LAMA5: variants seen among roughly 807,000 people sequenced by gnomAD.
LAMA5 encodes the protein laminin subunit alpha 5.
Under a neutral mutation model 433.4 loss-of-function variants are expected in LAMA5, and 260 were observed. That is an observed-to-expected ratio of 0.60 (90% confidence interval 0.54 to 0.66). The LOEUF (loss-of-function observed/expected upper bound fraction) is 0.66, where lower values mean the gene tolerates loss of function less well. Among genes scored for constraint, LAMA5 ranks in the 30% least tolerant of loss-of-function variants. The pLI is 0.00. For synonymous variants in LAMA5, 2,620 were observed against 2,226.6 expected (o/e 1.18, Z -4.97); for missense variants, 5,378 against 5,258.5 (o/e 1.02, Z -0.70).
rs745953594 is a variant in LAMA5, at chr20:62,318,915, A to G, written c.6970T>C (p.Trp2324Arg). The G allele has an allele frequency of 6.2e-7, 1 of 1,603,486 alleles. No individual in the cohort carries two copies. Among genetic ancestry groups the G allele is most frequent in the Non-Finnish European group, 8.5e-7 (1 of 1,177,308 alleles). Residue 2324 changes from tryptophan (W) to arginine (R), a missense_variant, in exon 52 of 80, where the codon TGG (tryptophan) becomes CGG (arginine). By Grantham distance (101) the Trp-to-Arg change is moderately radical (BLOSUM62 -3). Coordinates refer to ENST00000252999, the MANE Select transcript of LAMA5 (RefSeq NM_005560.6). ...RTLAEVERLLWEMRARDLGAP... is the reference protein window; with the variant it reads ...RTLAEVERLLREMRARDLGAP... ...CCCAGGTCCCGGGCCCGCATCTCCCAGAGCAGCCGCTCCACCTCGGCCAGT... is the reference window on the plus strand; with the variant it reads ...CCCAGGTCCCGGGCCCGCATCTCCCGGAGCAGCCGCTCCACCTCGGCCAGT...
intron 25 of LAMA5, 23 bp from the exon 26 acceptor site, chr20:62,333,266 C>T: frequency 6.4e-7 from 1 of 1,564,522 alleles, no homozygotes; most frequent in Non-Finnish European, 8.7e-7. Context: ...AGGCCGTGGT[C>T]AGCCCCAGGT....
At chr20:62,354,626 A>AGG (rs370828519) in intron 2 of LAMA5, among the ~76,000 whole-genome samples, 6 of 152,084 alleles carry the variant, frequency 3.9e-5, no homozygotes, top group African/African-American at 1.2e-4. Context: ...ACCCAGGAGC[A>AGG]GGGGGGGTCC....
intron 78 of LAMA5, 63 bp downstream of exon 78, chr20:62,309,925 C>G: frequency 6.2e-7 from 1 of 1,605,716 alleles, no homozygotes; most frequent in South Asian, 1.1e-5. Context: ...AGAGTCCCGC[C>G]TGGCTCCCGC....
chr20:62,365,028 G>A (rs1461189091), intron 1 of LAMA5, among the ~76,000 whole-genome samples: 3 of 152,262 alleles, frequency 2.0e-5, no homozygotes, highest in African/African-American at 4.8e-5. Flanking sequence ...CAGCAGACCC[G>A]CGGCTCTCAG....
intron 37 of LAMA5, 29 bp from the exon 38 acceptor site, chr20:62,327,435 G>T (rs770389755): frequency 4.4e-6 from 7 of 1,592,210 alleles, no homozygotes; most frequent in Non-Finnish European, 6.0e-6. Flanking sequence ...GGCTGCACAC[G>T]GGTGGATGCC....
In LAMA5 at chr20:62,314,783, T is replaced by C. The variant is rs1384377800; in HGVS notation, c.8196+16A>G. On this transcript the variant is annotated intron_variant, in intron 60 of 79. Transcript: ENST00000252999. ...ACCCTCCCTGATGTCCACCTTCCCC[T>C]GGGACTCTCACCCACCTTACTGGCA... 6.8e-6 allele frequency: 11 copies of C among 1,612,830 alleles called. No homozygotes were observed. The highest frequency in any genetic ancestry group is 8.5e-6 in the Non-Finnish European group (10 of 1,179,916).
intron 11 of LAMA5, among the ~76,000 whole-genome samples, chr20:62,344,854 C>G (rs1983111275): frequency 6.6e-6 from 1 of 151,922 alleles, no homozygotes; most frequent in Admixed American, 6.6e-5. Flanking sequence ...CTTCATTAGT[C>G]CCTATGAAAT....
rs114932070 is a variant in LAMA5 at position 62,334,056 on chromosome 20, C to T, written c.2740-17G>A. On this transcript the variant is annotated splice_polypyrimidine_tract_variant and intron_variant, in intron 22 of 79. Coordinates refer to ENST00000252999, the MANE Select transcript of LAMA5 (RefSeq NM_005560.6). ...GATCCTGGGCTGGGTGGGCATGGAGCGTCGGGTCACTCTCCCTGACCACTG... is the reference window on the plus strand; with the variant it reads ...GATCCTGGGCTGGGTGGGCATGGAGTGTCGGGTCACTCTCCCTGACCACTG... 1.8e-5 allele frequency: 29 copies of T among 1,605,188 alleles called. No homozygotes were observed. Among genetic ancestry groups the T allele is most frequent in the African/African-American group, 5.3e-5 (4 of 74,792 alleles).
Position 62,367,004 on chromosome 20 carries a change from T to C in LAMA5, c.242A>G (p.Tyr81Cys). The change falls in exon 1 of 80, where the codon TAC becomes TGC. Residue 81 changes from tyrosine (Y) to cysteine (C), a missense_variant. Transcript: ENST00000252999. ...CACGGGGCCCCCTACCAGCTTGCAG[T>C]AAAGGTCCTCGGTGGGGCGCGGGGA... Reference protein sequence around the residue: ...RGSPRPTEDLYCKLVGGPVAG... With the variant: ...RGSPRPTEDLCCKLVGGPVAG... The C allele has an allele frequency of 1.6e-6, 2 of 1,280,940 alleles. No homozygotes were observed. Among genetic ancestry groups the C allele is most frequent in the Non-Finnish European group, 2.0e-6 (2 of 1,015,004 alleles). The allele number at this position is 1,280,940 out of a possible 1,614,324, so 79.3% of individuals were successfully genotyped here.
In LAMA5 at chr20:62,327,347, C is replaced by G; in HGVS notation, c.4998G>C (p.Glu1666Asp). 6.2e-7 allele frequency: 1 copy of G among 1,601,906 alleles called. No homozygotes were observed. The highest frequency in any genetic ancestry group is 8.5e-7 in the Non-Finnish European group (1 of 1,174,144). Residue 1666 changes from glutamate to aspartate, a missense_variant, in exon 38 of 80, where the codon GAG becomes GAC. Physicochemically the swap from Glu to Asp is conservative, Grantham distance 45. Coordinates refer to ENST00000252999, the MANE Select transcript of LAMA5 (RefSeq NM_005560.6). Reference sequence around the variant, plus strand: ...GGAGCATCTCCGTCCCTGGCTGCCGCTCGTGGGGCACCACCTGCCGGTCAG... The same window carrying G: ...GGAGCATCTCCGTCCCTGGCTGCCGGTCGTGGGGCACCACCTGCCGGTCAG... ...LSTDRQVVPH[E>D]RQPGTEMLRA...
At chr20:62,320,472 A>T in intron 50 of LAMA5, 87 bp downstream of exon 50, 1 of 991,864 alleles carries the variant, frequency 1.0e-6, no homozygotes, top group South Asian at 1.4e-5. Flanking sequence ...CGAGGCATGA[A>T]GTAACATCTG....
At position 62,351,754 on chromosome 20, in the gene LAMA5, G is replaced by A. The variant is rs1297573950; in HGVS notation, c.906C>T (p.Cys302=). 1 of 1,611,798 alleles carries A rather than the reference G, an allele frequency of 6.2e-7. No individual in the cohort carries two copies. The highest frequency in any genetic ancestry group is 8.5e-7 in the Non-Finnish European group (1 of 1,179,792). ...CATCGCAGGCATCCGCGTGGCCGTG[G>A]CAGACACAGCGGCCTCCGATGCTGA... The part of the protein sequence containing the change: ...KDISIGGRCV[C]HGHADACDAK... Residue 302 remains cysteine (C), a synonymous_variant, in exon 6 of 80, where the codon TGC becomes TGT. Coordinates refer to ENST00000252999, the MANE Select transcript of LAMA5 (RefSeq NM_005560.6).
chr20:62,334,837 C>T (rs1470742190), intron 20 of LAMA5, among the ~76,000 whole-genome samples, 184 bp downstream of exon 20: 2 of 151,144 alleles, frequency 1.3e-5, no homozygotes, highest in Admixed American at 6.6e-5. Flanking sequence ...GAGGAAGCCA[C>T]GCATCTGGGT....
rs775919334 is a variant in LAMA5, at chr20:62,332,608, G to C, written c.3392C>G (p.Pro1131Arg). 5.6e-6 allele frequency: 9 copies of C among 1,602,018 alleles called. No homozygotes were observed. The highest frequency in any genetic ancestry group is 2.2e-5 in the East Asian group (1 of 44,504). ...CAGCCCCTGCTGGGGGGCCCGCTGT[G>C]GGGTGTGCACGGCCACGCCCACCTC... is the stretch of plus-strand genomic sequence containing the variant. ...RQEVGVAVHT[P>R]QRAPQQGLLS... Residue 1131 changes from proline (P) to arginine (R), a missense_variant, in exon 27 of 80, where the codon CCA becomes CGA. Transcript: ENST00000252999.
chr20:62,318,531 A>G lies in LAMA5; in HGVS notation c.7162T>C (p.Leu2388=), dbSNP rs1987301914. ...EAGLMDLREA[L]NRAVDATREA... is the part of the protein sequence containing the mutation. ...CGTGTGGCGTCCACTGCCCGGTTCA[A>G]AGCCTCTCGCAGGTCCATGAGGCCG... Residue 2388 remains leucine, a synonymous_variant, in exon 53 of 80, where the codon TTG becomes CTG. Coordinates refer to ENST00000252999, the MANE Select transcript of LAMA5 (RefSeq NM_005560.6). The G allele has an allele frequency of 6.2e-7, 1 of 1,609,738 alleles. No individual in the cohort carries two copies. Among genetic ancestry groups the G allele is most frequent in the African/African-American group, 1.3e-5 (1 of 74,642 alleles).
rs200189344 is a variant in LAMA5 at position 62,330,912 on chromosome 20, G to A, written c.3683C>T (p.Pro1228Leu). The A allele has an allele frequency of 2.4e-5, 37 of 1,549,064 alleles. No homozygotes were observed. Among genetic ancestry groups the A allele is most frequent in the African/African-American group, 1.9e-4 (14 of 73,172 alleles). The change falls in exon 30 of 80, where the codon CCG (proline) becomes CTG (leucine). Residue 1228 changes from proline (P) to leucine (L), a missense_variant. Coordinates refer to ENST00000252999, the MANE Select transcript of LAMA5 (RefSeq NM_005560.6). ...GTCCCTGAGGATGATGGGCTGGGGCGGCTTTGGGAAGCGCGAGGGCAGACA... is the reference window on the plus strand; with the variant it reads ...GTCCCTGAGGATGATGGGCTGGGGCAGCTTTGGGAAGCGCGAGGGCAGACA... ...AACLPSRFPK[P>L]PQPIILRDCQ...
chr20:62,311,591 C>T (rs778305726), intron 71 of LAMA5, 23 bp downstream of exon 71: 10 of 1,607,412 alleles, frequency 6.2e-6, no homozygotes, highest in African/African-American at 5.3e-5. Context: ...GGGACCTTGT[C>T]CCCCAGCGCC....
chr20:62,339,540 G>A (rs1202080534), intron 11 of LAMA5, among the ~76,000 whole-genome samples: 4 of 152,152 alleles, frequency 2.6e-5, no homozygotes, highest in African/African-American at 9.7e-5. Context: ...AACAATGTCA[G>A]GTGTTGGGAA....
At chr20:62,330,704 C>T in intron 30 of LAMA5, 39 bp downstream of exon 30, 2 of 1,555,282 alleles carry the variant, frequency 1.3e-6, no homozygotes, top group South Asian at 2.4e-5. Flanking sequence ...CGGAGTCCTG[C>T]CCTGACACCC....
Sources: gnomAD v4.1 joint callset for allele counts (sites outside exome capture counted in the v4.1 genomes callset) on GRCh38, gnomAD v4.1.1 for gene constraint, MANE v1.5 for transcripts, NCBI Gene and HGNC (gene_info 2026-07-23, HGNC 2026-07-21) for gene names.